The following SPTBN1 variants were observed in gnomAD, a reference collection of about 807,000 sequenced individuals.
SPTBN1 encodes spectrin beta, non-erythrocytic 1, also known as spectrin beta chain, non-erythrocytic 1.
A neutral mutation model predicts 266.4 loss-of-function variants in SPTBN1; 32 were observed. The ratio of observed to expected loss-of-function variants is 0.12; its 90% confidence interval spans 0.09 to 0.16. SPTBN1 has a LOEUF of 0.16. Among genes scored for constraint, SPTBN1 ranks in the 10% least tolerant of loss-of-function variants. The probability of loss-of-function intolerance (pLI) is 1.00; values close to 1 mark genes in which losing one functional copy is unlikely to be tolerated. For missense variants in SPTBN1, 2,296 were observed against 3,067.1 expected (o/e 0.75, Z 5.94); for synonymous variants, 1,336 against 1,162.2 (o/e 1.15, Z -3.04).
In SPTBN1 at chr2:54,465,234, C is replaced by G. The variant is rs541119057; in HGVS notation, c.-48+8716C>G. Among the ~76,000 whole-genome samples the G allele has an allele frequency of 2.0e-4, 31 of 152,224 alleles. No homozygotes were observed. The South Asian group carries it at 5.8e-3, about 29-fold the overall frequency. ...TAGTGTATTCAAATGTATTAATTCT[C>G]TACACTAACCTAGGCAGCTTGAAAA... On this transcript the variant is annotated intron_variant, in intron 1 of 35. Transcript: ENST00000356805.
chr2:54,551,586 A>G (rs563571229), intron 2 of SPTBN1, among the ~76,000 whole-genome samples: 40 of 152,302 alleles, frequency 2.6e-4, no homozygotes, highest in African/African-American at 9.6e-4. Flanking sequence ...TTTTCTCCTC[A>G]GCAGTGATCT....
chr2:54,562,533 C>CTTTTTTTCTTTTTCTT (rs746897447), intron 2 of SPTBN1, among the ~76,000 whole-genome samples: 10 of 126,828 alleles, frequency 7.9e-5, no homozygotes, highest in African/African-American at 2.6e-4. Flanking sequence ...TTTTCTTTTT[C>CTTTTTTTCTTTTTCTT]TTTTTTTTTT....
rs764862001 is a variant in SPTBN1, at chr2:54,647,190, G to T, written c.4926G>T (p.Glu1642Asp). The change falls in exon 24 of 36, where the codon GAG becomes GAT. Residue 1642 changes from glutamate to aspartate, a missense_variant. Transcript: ENST00000356805. ...ACCAGATCTTAGAACAAGCTGTGGA[G>T]GACTATGCAGAGACCGTGCATCAGC... ...KKHQILEQAV[E>D]DYAETVHQLS... 1.2e-6 allele frequency: 2 copies of T among 1,614,186 alleles called. No homozygotes were observed.
intron 1 of SPTBN1, among the ~76,000 whole-genome samples, chr2:54,506,269 G>GA (rs1223151726): frequency 1.3e-5 from 2 of 152,288 alleles, no homozygotes; most frequent in Admixed American, 1.3e-4. Flanking sequence ...GGAAAGGGCT[G>GA]ACCAGGCCAT....
intron 2 of SPTBN1, among the ~76,000 whole-genome samples, chr2:54,562,533 C>CTTTTTTTCTTTCTT (rs746897447): frequency 6.3e-5 from 8 of 126,830 alleles, no homozygotes; most frequent in Non-Finnish European, 9.6e-5. Context: ...TTTTCTTTTT[C>CTTTTTTTCTTTCTT]TTTTTTTTTT....
In SPTBN1 at chr2:54,659,957, A is replaced by G; in HGVS notation, c.6378A>G (p.Gln2126=). ...ACAGGGATACTTCAAAAGGAGAACAAGTTTCCCAAAACGGTTTGCCAGCTG... is the reference window on the plus strand; with the variant it reads ...ACAGGGATACTTCAAAAGGAGAACAGGTTTCCCAAAACGGTTTGCCAGCTG... ...QQQWDTSKGE[Q]VSQNGLPAEQ... is the part of the protein sequence containing the mutation. The change falls in exon 32 of 36, where the codon CAA becomes CAG. Residue 2126 remains glutamine (Q), a synonymous_variant. Coordinates refer to ENST00000356805, the MANE Select transcript of SPTBN1 (RefSeq NM_003128.3). 1.2e-6 allele frequency: 2 copies of G among 1,614,110 alleles called. No individual in the cohort carries two copies. The highest frequency in any genetic ancestry group is 1.7e-6 in the Non-Finnish European group (2 of 1,180,024).
Position 54,474,293 on chromosome 2 carries a change from C to G in SPTBN1, c.-48+17775C>G, listed in dbSNP as rs189058664. 2.6e-5 allele frequency among the ~76,000 whole-genome samples: 4 copies of G among 152,146 alleles called. No homozygotes were observed. The East Asian group carries it at 7.7e-4, about 29-fold the overall frequency. On this transcript the variant is annotated intron_variant, in intron 1 of 35. Transcript: ENST00000356805. Reference sequence around the variant, plus strand: ...CTATGATTTTTTTAAGTGGTGATAACCTAAAAGTCCATCATTGGTAAGTTA... The same window carrying G: ...CTATGATTTTTTTAAGTGGTGATAAGCTAAAAGTCCATCATTGGTAAGTTA...
In SPTBN1 at chr2:54,626,325, GT is replaced by G. The variant is rs911061315; in HGVS notation, c.1644+92del. 7 of 1,442,948 alleles carry G rather than the reference GT, an allele frequency of 4.9e-6. No homozygotes were observed. The African/African-American group carries it at 1.0e-4, about 21-fold the overall frequency. The allele number at this position is 1,442,948 out of a possible 1,614,324, so 89.4% of individuals were successfully genotyped here. On this transcript the variant is annotated intron_variant, in intron 12 of 35. Coordinates refer to ENST00000356805, the MANE Select transcript of SPTBN1 (RefSeq NM_003128.3). This position sits in a 1 kb window ranked among gnomAD's most constrained non-coding sequence, Gnocchi z 4.7. Reference sequence around the variant, plus strand: ...ATTCACTAAACCCCTACGTACAGCTGTGTGCCTTGTCTAACTGCCCACATGT... The same window carrying G: ...ATTCACTAAACCCCTACGTACAGCTGGTGCCTTGTCTAACTGCCCACATGT...
chr2:54,507,352 G>A (rs2104179247), intron 1 of SPTBN1, among the ~76,000 whole-genome samples: 1 of 152,016 alleles, frequency 6.6e-6, no homozygotes, highest in South Asian at 2.1e-4. Flanking sequence ...GTTGGGGTGG[G>A]GAAAATTTTG....
intron 1 of SPTBN1, among the ~76,000 whole-genome samples, chr2:54,475,977 A>G (rs72618661): frequency 0.22 from 33,837 of 152,100 alleles, 4,823 homozygotes; most frequent in East Asian, 0.38. Context: ...TTCTTGTTGT[A>G]TGCTTATTCC....
chr2:54,559,296 A>C (rs571111930), intron 2 of SPTBN1, among the ~76,000 whole-genome samples: 1 of 152,266 alleles, frequency 6.6e-6, no homozygotes, highest in Non-Finnish European at 1.5e-5. Flanking sequence ...GCTCAGACCC[A>C]GTCCTGTAGA....
chr2:54,573,187 G>A (rs1202324275), intron 2 of SPTBN1, among the ~76,000 whole-genome samples: 4 of 152,202 alleles, frequency 2.6e-5, no homozygotes, highest in Non-Finnish European at 5.9e-5. Context: ...TCTGGAAGAG[G>A]AAAGTGATGC....
At chr2:54,617,563 A>G in intron 5 of SPTBN1, 45 bp from the exon 6 acceptor site, 1 of 1,590,130 alleles carries the variant, frequency 6.3e-7, no homozygotes. Flanking sequence ...ATAAACCTCC[A>G]TGTGGTAATT....
intron 2 of SPTBN1, among the ~76,000 whole-genome samples, chr2:54,564,311 C>A (rs1000738393): frequency 1.3e-5 from 2 of 152,174 alleles, no homozygotes; most frequent in Non-Finnish European, 2.9e-5. Context: ...CCTAAAATCT[C>A]CCTGGCTGCT....
Position 54,471,580 on chromosome 2 carries a change from A to T in SPTBN1, c.-48+15062A>T, listed in dbSNP as rs73932842. The stretch of plus-strand genomic sequence containing the variant: ...ACATCTTACTTGGTTGTCTTTAGAG[A>T]TAAGTGGGACGTGATTCCAGCAAGG... On this transcript the variant is annotated intron_variant, in intron 1 of 35. Coordinates refer to ENST00000356805, the MANE Select transcript of SPTBN1 (RefSeq NM_003128.3). Among the ~76,000 whole-genome samples, 836 of 151,704 alleles carry T rather than the reference A, an allele frequency of 5.5e-3. 9 individuals carry two copies. The highest frequency in any genetic ancestry group is 0.019 in the African/African-American group (793 of 41,336).
At chr2:54,529,780 G>C in intron 2 of SPTBN1, 1 of 517,780 alleles carries the variant, frequency 1.9e-6, no homozygotes, top group African/African-American at 2.2e-5. Context: ...TGCTTTGGAT[G>C]TTGCCAACAA....
Position 54,655,119 on chromosome 2 carries a change from G to A in SPTBN1, c.5872G>A (p.Ala1958Thr). The A allele has an allele frequency of 6.2e-7, 1 of 1,614,138 alleles. No homozygotes were observed. The highest frequency in any genetic ancestry group is 8.5e-7 in the Non-Finnish European group (1 of 1,180,002). The change falls in exon 28 of 36, where the codon GCT becomes ACT. Residue 1958 changes from alanine (A) to threonine (T), a missense_variant. This residue lies in a region of SPTBN1 where 644 missense variants were observed against 745.3 expected (regional missense o/e 0.86). Coordinates refer to ENST00000356805, the MANE Select transcript of SPTBN1 (RefSeq NM_003128.3). ...LLMNNHQGIKAEIDARNDSFT... is the reference protein window; with the variant it reads ...LLMNNHQGIKTEIDARNDSFT... ...AATGAATAATCATCAAGGCATCAAA[G>A]CTGAAATTGATGCACGTAATGACAG... is the stretch of plus-strand genomic sequence containing the variant.
rs79152415 is a variant in SPTBN1 at position 54,591,501 on chromosome 2, G to A, written c.149-7591G>A. On this transcript the variant is annotated intron_variant, in intron 2 of 35. Transcript: ENST00000356805. ...TAGAAAATATTACTGGGTTATACGTGCAGGTTCAGACTACTTGAAAAGTAA... is the reference window on the plus strand; with the variant it reads ...TAGAAAATATTACTGGGTTATACGTACAGGTTCAGACTACTTGAAAAGTAA... Among the ~76,000 whole-genome samples, 372 of 152,308 alleles carry A rather than the reference G, an allele frequency of 2.4e-3. 7 individuals carry two copies. Among genetic ancestry groups the A allele is most frequent in the Non-Finnish European group, 2.9e-3 (200 of 68,032 alleles).
intron 3 of SPTBN1, among the ~76,000 whole-genome samples, chr2:54,600,698 G>C (rs968529421): frequency 4.1e-5 from 6 of 147,968 alleles, no homozygotes; most frequent in Non-Finnish European, 7.4e-5. Context: ...GTTTAACCTA[G>C]TATGTTTATT....
Sources: gnomAD v4.1 joint callset for allele counts (sites outside exome capture counted in the v4.1 genomes callset) on GRCh38, gnomAD v4.1.1 for gene constraint, gnomAD v4.1.1 regional missense constraint, Gnocchi (gnomAD v3.1) non-coding constraint, MANE v1.5 for transcripts, NCBI Gene and HGNC (gene_info 2026-07-23, HGNC 2026-07-21) for gene names.